The following KCNQ5 variants were observed in gnomAD, a reference collection of about 807,000 sequenced individuals.
KCNQ5 encodes the protein potassium voltage-gated channel subfamily KQT member 5.
KCNQ5 carries 30 observed loss-of-function variants against 98.2 expected under a neutral mutation model. The observed-to-expected ratio is 0.31, with a 90% CI of 0.23 to 0.41. The LOEUF is 0.41. Among genes scored for constraint, KCNQ5 ranks in the 10% least tolerant of loss-of-function variants. The pLI is 1.00. For synonymous variants in KCNQ5, 458 were observed against 449.4 expected, an observed-to-expected ratio of 1.02 and a Z score of -0.24; for missense variants, 835 against 1,182.5, an observed-to-expected ratio of 0.71 and a Z score of 4.31.
intron 1 of KCNQ5, among the ~76,000 whole-genome samples, chr6:72,766,730 GA>G (rs1772591529): frequency 6.6e-6 from 1 of 151,934 alleles, no homozygotes; most frequent in African/African-American, 2.4e-5. Context: ...CTGGAGATGA[GA>G]GGGAAAAATA....
chr6:72,639,185 TGAGAA>T (rs1333690838), intron 1 of KCNQ5, among the ~76,000 whole-genome samples: 1 of 151,602 alleles, frequency 6.6e-6, no homozygotes, highest in South Asian at 2.1e-4. Context: ...TCTTGGGAAA[TGAGAA>T]GAGAAAGATT....
chr6:72,801,856 T>C (rs1774678306), intron 1 of KCNQ5, among the ~76,000 whole-genome samples: 1 of 150,738 alleles, frequency 6.6e-6, no homozygotes, highest in Non-Finnish European at 1.5e-5. Context: ...TGCTTGTCTG[T>C]AAAGTATTTT....
intron 1 of KCNQ5, among the ~76,000 whole-genome samples, chr6:73,000,923 A>T (rs1392879282): frequency 6.6e-6 from 1 of 152,052 alleles, no homozygotes; most frequent in Non-Finnish European, 1.5e-5. Flanking sequence ...CCTCTCCTCC[A>T]CTTAGCTCCA....
At chr6:72,865,834 T>G (rs1400927271) in intron 1 of KCNQ5, among the ~76,000 whole-genome samples, 1 of 152,188 alleles carries the variant, frequency 6.6e-6, no homozygotes, top group African/African-American at 2.4e-5. Context: ...ATAGAGTGCT[T>G]TTAAGTCCTC....
chr6:73,171,397 A>G (rs1778011579), intron 11 of KCNQ5, among the ~76,000 whole-genome samples: 1 of 152,098 alleles, frequency 6.6e-6, no homozygotes. Context: ...TGGTCACCCT[A>G]TCTCTAGTGA....
intron 1 of KCNQ5, among the ~76,000 whole-genome samples, chr6:72,711,877 A>G (rs1769388212): frequency 6.6e-6 from 1 of 152,234 alleles, no homozygotes; most frequent in East Asian, 1.9e-4. Flanking sequence ...CCAACTTGAC[A>G]GTTCCATTTT....
intron 1 of KCNQ5, among the ~76,000 whole-genome samples, chr6:72,767,710 A>G (rs1413612608): frequency 6.6e-6 from 1 of 152,080 alleles, no homozygotes; most frequent in African/African-American, 2.4e-5. Flanking sequence ...AAAGATACGC[A>G]GATGGCAAGT....
chr6:73,195,460 A>G lies in KCNQ5; in HGVS notation c.*46A>G, dbSNP rs765814409. On this transcript the variant is annotated 3_prime_UTR_variant, in exon 14 of 14. Transcript: ENST00000370398. The stretch of plus-strand genomic sequence containing the variant: ...GCATAGCAGTTCTTTAGCCATACAT[A>G]TCATTGCATGAACTATTTCGAAAGC... 20 of 1,577,064 alleles carry G rather than the reference A, an allele frequency of 1.3e-5. No individual in the cohort carries two copies. Among genetic ancestry groups the G allele is most frequent in the Admixed American group, 9.0e-5 (5 of 55,534 alleles).
chr6:72,838,126 C>G (rs1056088568), intron 1 of KCNQ5, among the ~76,000 whole-genome samples: 1 of 122,432 alleles, frequency 8.2e-6, no homozygotes, highest in Non-Finnish European at 1.6e-5. Context: ...ACAACAGGCC[C>G]CGACACCAGG....
intron 1 of KCNQ5, among the ~76,000 whole-genome samples, chr6:72,678,164 C>G (rs1366862819): frequency 2.0e-5 from 3 of 152,150 alleles, no homozygotes; most frequent in Admixed American, 2.0e-4. Context: ...TAGCTGAAAT[C>G]TATTGACTCT....
chr6:72,726,301 C>T (rs1019323733), intron 1 of KCNQ5, among the ~76,000 whole-genome samples: 2 of 151,418 alleles, frequency 1.3e-5, no homozygotes, highest in South Asian at 4.2e-4. Context: ...ACCTCCACCT[C>T]CCGGGTTCAA....
At chr6:73,124,294 G>C (rs1775860524) in intron 8 of KCNQ5, among the ~76,000 whole-genome samples, 192 bp from the exon 9 acceptor site, 1 of 152,162 alleles carries the variant, frequency 6.6e-6, no homozygotes, top group South Asian at 2.1e-4. Context: ...GCTATCTCTG[G>C]TCTGTATCAC....
At chr6:73,025,101 A>G (rs1770813467) in intron 2 of KCNQ5, among the ~76,000 whole-genome samples, 1 of 152,188 alleles carries the variant, frequency 6.6e-6, no homozygotes, top group African/African-American at 2.4e-5. Flanking sequence ...GATAAATTCA[A>G]AGTCTCTACT....
At chr6:72,703,225 C>A (rs913779012) in intron 1 of KCNQ5, among the ~76,000 whole-genome samples, 2 of 152,250 alleles carry the variant, frequency 1.3e-5, no homozygotes, top group African/African-American at 4.8e-5. Context: ...GAACTTCTTG[C>A]AGCGTCCTGC....
chr6:72,934,070 T>G (rs1283111395), intron 1 of KCNQ5, among the ~76,000 whole-genome samples: 4 of 152,054 alleles, frequency 2.6e-5, no homozygotes, highest in Admixed American at 1.3e-4. Flanking sequence ...TAAATAACAA[T>G]AAGAAGAAGA....
intron 1 of KCNQ5, among the ~76,000 whole-genome samples, chr6:72,997,343 A>G (rs951015085): frequency 7.2e-5 from 11 of 152,034 alleles, no homozygotes; most frequent in African/African-American, 2.2e-4. Flanking sequence ...GCTTTTTTAC[A>G]TTAGCCATAG....
intron 1 of KCNQ5, among the ~76,000 whole-genome samples, chr6:72,738,295 C>T (rs1193723599): frequency 2.0e-5 from 3 of 152,012 alleles, no homozygotes; most frequent in Non-Finnish European, 4.4e-5. Flanking sequence ...AGCCTCAGGC[C>T]CTTGTGACCT....
chr6:72,930,931 C>T (rs747338798), intron 1 of KCNQ5, among the ~76,000 whole-genome samples: 17 of 152,136 alleles, frequency 1.1e-4, no homozygotes, highest in Non-Finnish European at 2.4e-4. Context: ...CTATTTTAAT[C>T]ACTGTTAGTC....
At chr6:72,822,225 C>T (rs973477159) in intron 1 of KCNQ5, among the ~76,000 whole-genome samples, 2 of 152,142 alleles carry the variant, frequency 1.3e-5, no homozygotes, top group African/African-American at 4.8e-5. Context: ...GCCACCCCAC[C>T]CTGCAACATC....
Sources: allele counts gnomAD v4.1 joint callset (sites outside exome capture counted in the v4.1 genomes callset), GRCh38; gene constraint gnomAD v4.1.1; transcripts MANE v1.5; gene names NCBI Gene and HGNC (gene_info 2026-07-23, HGNC 2026-07-21).